Variants in LYSMD2 observed in about 807,000 individuals in gnomAD.
LYSMD2 encodes LysM domain containing 2, also known as lysM and putative peptidoglycan-binding domain-containing protein 2.
In LYSMD2, 6 loss-of-function variants were observed where a neutral mutation model predicts 17.7. The observed-to-expected ratio is 0.34, with a 90% CI of 0.19 to 0.67. The LOEUF (loss-of-function observed/expected upper bound fraction) is 0.67, where lower values mean the gene tolerates loss of function less well. Among genes scored for constraint, LYSMD2 ranks in the 30% least tolerant of loss-of-function variants. LYSMD2 has a pLI of 0.69. For synonymous variants in LYSMD2, 102 were observed against 129.8 expected (o/e 0.79, Z 1.45); for missense variants, 237 against 286.7 (o/e 0.83, Z 1.25).
chr15:51,732,142 A>G (rs987750965), intron 1 of LYSMD2, among the ~76,000 whole-genome samples: 1 of 152,208 alleles, frequency 6.6e-6, no homozygotes, highest in Non-Finnish European at 1.5e-5. Context: ...AGTCTTTTAC[A>G]GATTTGAGAA....
upstream of LYSMD2, among the ~76,000 whole-genome samples, chr15:51,740,720 C>G (rs1002775594): frequency 6.6e-6 from 1 of 151,794 alleles, no homozygotes; most frequent in Non-Finnish European, 1.5e-5. Context: ...AGATGACATT[C>G]CACATACCAC....
chr15:51,746,221 C>A (rs180781604), intron 1 of LYSMD2, among the ~76,000 whole-genome samples: 28 of 152,234 alleles, frequency 1.8e-4, no homozygotes, highest in Non-Finnish European at 3.4e-4. Context: ...CACTGATGAA[C>A]AGATAAACAA....
intron 1 of LYSMD2, among the ~76,000 whole-genome samples, chr15:51,733,964 C>T (rs1270383073): frequency 6.6e-6 from 1 of 152,138 alleles, no homozygotes; most frequent in Admixed American, 6.5e-5. Flanking sequence ...GTGGGCAGAT[C>T]ATGAGGTCAG....
At chr15:51,746,957 A>G (rs762766405) in intron 1 of LYSMD2, among the ~76,000 whole-genome samples, 3 of 149,050 alleles carry the variant, frequency 2.0e-5, no homozygotes, top group Non-Finnish European at 4.4e-5. Flanking sequence ...AGGCAGGCAG[A>G]TCACTTGAGG....
At chr15:51,728,515 G>A (rs1427086743) in intron 1 of LYSMD2, among the ~76,000 whole-genome samples, 2 of 151,824 alleles carry the variant, frequency 1.3e-5, no homozygotes, top group Non-Finnish European at 2.9e-5. Flanking sequence ...ACAGGTAAGG[G>A]CAGATTCTAA....
intron 1 of LYSMD2, among the ~76,000 whole-genome samples, chr15:51,749,893 C>T (rs951761129): frequency 6.6e-6 from 1 of 152,354 alleles, no homozygotes; most frequent in African/African-American, 2.4e-5. Context: ...CTCTTTCTGG[C>T]TCAGATTTGT....
upstream of LYSMD2, among the ~76,000 whole-genome samples, chr15:51,742,560 C>T (rs1322674694): frequency 6.6e-6 from 1 of 152,122 alleles, no homozygotes; most frequent in African/African-American, 2.4e-5. Flanking sequence ...GAATGTAAGT[C>T]CTTTAGCAGA....
chr15:51,748,389 T>C (rs1253561777), intron 1 of LYSMD2, among the ~76,000 whole-genome samples: 3 of 152,172 alleles, frequency 2.0e-5, no homozygotes, highest in African/African-American at 7.2e-5. Flanking sequence ...AAACCCATGT[T>C]GTTATCTGTT....
intron 1 of LYSMD2, among the ~76,000 whole-genome samples, chr15:51,726,361 G>A (rs1249768760): frequency 1.3e-5 from 2 of 152,096 alleles, no homozygotes; most frequent in African/African-American, 4.8e-5. Flanking sequence ...TTGCTATTTC[G>A]CCTTTAGGAC....
In LYSMD2 at chr15:51,737,581, G is replaced by C; in HGVS notation, c.42C>G (p.Gly14=). The stretch of plus-strand genomic sequence containing the variant: ...GGGCCGAGGGCCGCGGCGCGCGGGG[G>C]CCGCCTTCCCGCAGGGACAGTGCGG... ...SSPALSLREG[G]PRAPRPSAPS... is the part of the protein sequence containing the mutation. Residue 14 remains glycine (G), a synonymous_variant, in exon 1 of 3, where the codon GGC becomes GGG. Coordinates refer to ENST00000267838, the MANE Select transcript of LYSMD2 (RefSeq NM_153374.3). The surrounding 1 kb of genome is among the most constrained non-coding windows in gnomAD (Gnocchi z 4.2). 4.1e-6 allele frequency: 5 copies of C among 1,218,136 alleles called. No homozygotes were observed. Among genetic ancestry groups the C allele is most frequent in the Non-Finnish European group, 5.1e-6 (5 of 981,016 alleles). The allele number at this position is 1,218,136 out of a possible 1,614,324, so 75.5% of individuals were successfully genotyped here.
Position 51,737,470 on chromosome 15 carries a change from C to T in LYSMD2, c.153G>A (p.Ser51=), listed in dbSNP as rs996928345. ...CCCGCACGCTGGCGGTGCTGCCGTA[C>T]GAGCGGGTCTTGGTGCGGGCCAGGC... ...SLSLARTKTR[S]YGSTASVRAP... The change falls in exon 1 of 3, where the codon TCG becomes TCA. Residue 51 remains serine (S), a synonymous_variant. Coordinates refer to ENST00000267838, the MANE Select transcript of LYSMD2 (RefSeq NM_153374.3). The surrounding 1 kb of genome is among the most constrained non-coding windows in gnomAD (Gnocchi z 4.2). 7.0e-7 allele frequency: 1 copy of T among 1,422,196 alleles called. No individual in the cohort carries two copies. The highest frequency in any genetic ancestry group is 9.2e-7 in the Non-Finnish European group (1 of 1,090,396). The allele number at this position is 1,422,196 out of a possible 1,614,324, so 88.1% of individuals were successfully genotyped here.
At chr15:51,741,852 G>A (rs1386557171), upstream of LYSMD2, among the ~76,000 whole-genome samples, 11 of 151,742 alleles carry the variant, frequency 7.2e-5, no homozygotes, top group African/African-American at 2.2e-4. Flanking sequence ...CCTGGGAGGC[G>A]GAGGTTACAG....
rs1035370013 is a variant in LYSMD2 at position 51,723,639 on chromosome 15, T to C, written c.616A>G (p.Ser206Gly). The change falls in exon 3 of 3, where the codon AGT becomes GGT. Residue 206 changes from serine (S) to glycine (G), a missense_variant. By Grantham distance (56) the Ser-to-Gly change is moderately conservative (BLOSUM62 0). Coordinates refer to ENST00000267838, the MANE Select transcript of LYSMD2 (RefSeq NM_153374.3). The part of the protein sequence containing the change: ...KLKEESRDEE[S>G]PYATSLYHS ...TGATAGAGGGAAGTTGCATAGGGAC[T>C]TTCTTCATCTCTGAAAGAAAATAAA... The C allele has an allele frequency of 9.4e-6, 15 of 1,602,484 alleles. No individual in the cohort carries two copies. Among genetic ancestry groups the C allele is most frequent in the African/African-American group, 1.3e-5 (1 of 74,118 alleles).
upstream of LYSMD2, among the ~76,000 whole-genome samples, chr15:51,740,005 T>C (rs889161441): frequency 1.3e-5 from 2 of 152,142 alleles, no homozygotes; most frequent in Non-Finnish European, 2.9e-5. Flanking sequence ...GTTGCCTAGG[T>C]TGGAGTGCAG....
In LYSMD2 at chr15:51,724,673, AG is replaced by A. The variant is rs2055525723; in HGVS notation, c.605+116del. The A allele has an allele frequency of 5.2e-6, 3 of 579,014 alleles. No individual in the cohort carries two copies. In the Admixed American group the frequency reaches 1.2e-4, roughly 23 times the overall value. 35.9% of individuals were successfully genotyped at this position (579,014 alleles called of 1,614,324 possible). A position where few individuals can be genotyped will look rare whatever the true frequency, so the allele number is the denominator to read the frequency against. On this transcript the variant is annotated intron_variant, in intron 2 of 2. Transcript: ENST00000267838. Reference sequence around the variant, plus strand: ...AATTAAGAAAAAAAGAAAAAAAATCAGAAAGAAAGAAAAGAAAAGAAAAGGC... The same window carrying A: ...AATTAAGAAAAAAAGAAAAAAAATCAAAAGAAAGAAAAGAAAAGAAAAGGC...
At chr15:51,739,278 T>A (rs1204136577), upstream of LYSMD2, among the ~76,000 whole-genome samples, 1 of 152,194 alleles carries the variant, frequency 6.6e-6, no homozygotes, top group Non-Finnish European at 1.5e-5. Context: ...TACGTGCTCC[T>A]GGGAGGCATA....
upstream of LYSMD2, chr15:51,737,677 C>A: frequency 1.7e-6 from 2 of 1,166,700 alleles, no homozygotes; most frequent in South Asian, 4.3e-5. The surrounding 1 kb of genome is among the most constrained non-coding windows in gnomAD (Gnocchi z 4.2). Context: ...GGCGCCTCCT[C>A]CTCCTCCGCC....
At chr15:51,732,983 C>G (rs2055585906) in intron 1 of LYSMD2, among the ~76,000 whole-genome samples, 1 of 152,192 alleles carries the variant, frequency 6.6e-6, no homozygotes, top group African/African-American at 2.4e-5. Context: ...TCGGCTCAAA[C>G]CCCTTAAATG....
chr15:51,730,261 AC>A (rs1467331613), intron 1 of LYSMD2, among the ~76,000 whole-genome samples: 2 of 152,176 alleles, frequency 1.3e-5, no homozygotes, highest in Admixed American at 1.3e-4. Flanking sequence ...TAGTCCCAAA[AC>A]TTTGGGAGGC....
Sources: gnomAD v4.1 joint callset for allele counts (sites outside exome capture counted in the v4.1 genomes callset) on GRCh38, gnomAD v4.1.1 for gene constraint, Gnocchi (gnomAD v3.1) non-coding constraint, MANE v1.5 for transcripts, NCBI Gene and HGNC (gene_info 2026-07-23, HGNC 2026-07-21) for gene names.